CSMD1: variants seen among roughly 807,000 people sequenced by gnomAD.
CSMD1 encodes the protein CUB and Sushi multiple domains 1, also known as CUB and sushi domain-containing protein 1.
In CSMD1, 213 loss-of-function variants were observed where a neutral mutation model predicts 417.5. That is an observed-to-expected ratio of 0.51 (90% CI 0.46 to 0.57). The LOEUF is 0.57. CSMD1 is among the 20% of genes least tolerant of loss of function. The pLI, the probability that CSMD1 is intolerant of heterozygous loss-of-function variation, is 0.00. For missense variants in CSMD1, 6,923 were observed against 4,529.7 expected, an observed-to-expected ratio of 1.53 and a Z score of -15.17; for synonymous variants, 2,862 against 1,736.8, an observed-to-expected ratio of 1.65 and a Z score of -16.11.
intron 5 of CSMD1, among the ~76,000 whole-genome samples, chr8:3,823,802 G>A (rs1801883707): frequency 6.6e-6 from 1 of 151,874 alleles, no homozygotes; most frequent in South Asian, 2.1e-4. Context: ...ACATAAATAT[G>A]TTAAAAATGA....
intron 8 of CSMD1, among the ~76,000 whole-genome samples, chr8:3,616,070 T>G (rs778955995): frequency 5.9e-5 from 9 of 152,232 alleles, no homozygotes; most frequent in African/African-American, 2.2e-4. Flanking sequence ...AGTTTTTTAA[T>G]GAAATAACTA....
intron 2 of CSMD1, among the ~76,000 whole-genome samples, chr8:4,488,198 G>A (rs1008927446): frequency 2.6e-5 from 4 of 152,172 alleles, no homozygotes; most frequent in African/African-American, 7.2e-5. Flanking sequence ...AGTTTATGTT[G>A]TTTATAATCC....
At chr8:4,232,400 C>A (rs577463115) in intron 3 of CSMD1, among the ~76,000 whole-genome samples, 183 of 152,182 alleles carry the variant, frequency 1.2e-3, no homozygotes, top group African/African-American at 4.1e-3. Flanking sequence ...GGTTTCCCCA[C>A]GTTGGCCAGC....
At chr8:4,103,523 T>C (rs1801412077) in intron 3 of CSMD1, among the ~76,000 whole-genome samples, 1 of 151,422 alleles carries the variant, frequency 6.6e-6, no homozygotes, top group African/African-American at 2.4e-5. Flanking sequence ...TAAATGTAAA[T>C]ATATATACAC....
intron 23 of CSMD1, among the ~76,000 whole-genome samples, chr8:3,325,146 G>T (rs1806442178): frequency 6.6e-6 from 1 of 152,102 alleles, no homozygotes; most frequent in South Asian, 2.1e-4. Flanking sequence ...ATCAAAATCA[G>T]CAACAGCATG....
At chr8:4,421,077 T>C (rs555633924) in intron 2 of CSMD1, among the ~76,000 whole-genome samples, 2 of 152,294 alleles carry the variant, frequency 1.3e-5, no homozygotes, top group East Asian at 3.9e-4. Flanking sequence ...TCCCATTGGA[T>C]GCCAATCCAA....
chr8:4,281,692 T>C (rs1796793778), intron 3 of CSMD1, among the ~76,000 whole-genome samples: 2 of 152,230 alleles, frequency 1.3e-5, no homozygotes, highest in Non-Finnish European at 2.9e-5. Context: ...TGATAACATA[T>C]ACATACAAGT....
At chr8:4,700,197 T>C (rs142789105) in intron 1 of CSMD1, among the ~76,000 whole-genome samples, 13 of 152,154 alleles carry the variant, frequency 8.5e-5, no homozygotes, top group African/African-American at 2.9e-4. Context: ...AATCTTGAAA[T>C]CTTAGAAAAA....
At chr8:4,278,357 A>G (rs1796599779) in intron 3 of CSMD1, among the ~76,000 whole-genome samples, 2 of 152,214 alleles carry the variant, frequency 1.3e-5, no homozygotes, top group African/African-American at 4.8e-5. Context: ...AAAATTCATA[A>G]GGAAACTGAA....
chr8:4,092,388 C>A (rs1800767321), intron 3 of CSMD1, among the ~76,000 whole-genome samples: 1 of 152,090 alleles, frequency 6.6e-6, no homozygotes, highest in Non-Finnish European at 1.5e-5. Context: ...GTGCTCTCCA[C>A]CGTAAGGCAA....
intron 1 of CSMD1, among the ~76,000 whole-genome samples, chr8:4,844,771 T>C (rs1436035222): frequency 1.3e-5 from 2 of 152,238 alleles, no homozygotes; most frequent in African/African-American, 4.8e-5. Context: ...TAATTAATTC[T>C]CCAGGCAAAT....
chr8:3,476,322 C>A (rs1016450021), intron 11 of CSMD1, among the ~76,000 whole-genome samples: 1 of 152,164 alleles, frequency 6.6e-6, no homozygotes, highest in Admixed American at 6.5e-5. Flanking sequence ...TTTTAGTTCT[C>A]TTATAAAAAT....
At chr8:3,727,778 A>C (rs1802580229) in intron 6 of CSMD1, among the ~76,000 whole-genome samples, 1 of 152,218 alleles carries the variant, frequency 6.6e-6, no homozygotes, top group South Asian at 2.1e-4. Context: ...GTTATAATTT[A>C]GTCTTAAAAA....
intron 3 of CSMD1, among the ~76,000 whole-genome samples, chr8:4,043,249 A>G (rs374565647): frequency 1.3e-5 from 2 of 152,228 alleles, no homozygotes; most frequent in East Asian, 1.9e-4. Flanking sequence ...TACAGCTATT[A>G]GGCTAGCATA....
chr8:3,556,843 T>A (rs1473210819), intron 10 of CSMD1, among the ~76,000 whole-genome samples: 1 of 151,498 alleles, frequency 6.6e-6, no homozygotes, highest in Non-Finnish European at 1.5e-5. Flanking sequence ...GCCATAGGGC[T>A]TACCCCCTCT....
rs112328958 is a variant in CSMD1 at position 3,938,395 on chromosome 8, G to C, written c.818+59508C>G. Reference sequence around the variant, plus strand: ...AATATGCTGAATGCAATCGGTGGTAGGCTAGTTTTGATTTGGGCTTCAAAA... The same window carrying C: ...AATATGCTGAATGCAATCGGTGGTACGCTAGTTTTGATTTGGGCTTCAAAA... On this transcript the variant is annotated intron_variant, in intron 5 of 69. Transcript: ENST00000635120. Among the ~76,000 whole-genome samples the C allele has an allele frequency of 2.0e-5, 3 of 152,172 alleles. No individual in the cohort carries two copies. The East Asian group carries it at 5.8e-4, about 29-fold the overall frequency.
intron 1 of CSMD1, among the ~76,000 whole-genome samples, chr8:4,937,410 G>C (rs1353222982): frequency 2.6e-5 from 4 of 152,042 alleles, no homozygotes; most frequent in African/African-American, 9.7e-5. Context: ...ACAGGTTGAA[G>C]AATTCATATA....
chr8:3,916,833 T>G (rs1255792542), intron 5 of CSMD1, among the ~76,000 whole-genome samples: 1 of 152,060 alleles, frequency 6.6e-6, no homozygotes, highest in Non-Finnish European at 1.5e-5. Flanking sequence ...GGTCTTAGAT[T>G]GCTGCAGGTT....
chr8:4,041,057 C>T (rs1276973924), intron 3 of CSMD1, among the ~76,000 whole-genome samples: 11 of 138,156 alleles, frequency 8.0e-5, no homozygotes, highest in Middle Eastern at 4.2e-3. Flanking sequence ...CGCTCTGTCG[C>T]CCAGGCTGGA....
Sources: gnomAD v4.1 joint callset for allele counts (sites outside exome capture counted in the v4.1 genomes callset) on GRCh38, gnomAD v4.1.1 for gene constraint, MANE v1.5 for transcripts, NCBI Gene and HGNC (gene_info 2026-07-23, HGNC 2026-07-21) for gene names.